The following CNOT4 variants were observed in gnomAD, a reference collection of about 807,000 sequenced individuals.
CNOT4 encodes the protein CCR4-associated factor 4.
CNOT4 carries 8 observed loss-of-function variants against 73.8 expected under a neutral mutation model. The observed-to-expected ratio is 0.11, with a 90% CI of 0.06 to 0.20. The LOEUF (loss-of-function observed/expected upper bound fraction) is 0.20, where lower values mean the gene tolerates loss of function less well. Among genes scored for constraint, CNOT4 ranks in the 10% least tolerant of loss-of-function variants. The probability of loss-of-function intolerance (pLI) is 1.00; values close to 1 mark genes in which losing one functional copy is unlikely to be tolerated. For synonymous variants in CNOT4, 293 were observed against 321.1 expected (o/e 0.91, Z 0.94); for missense variants, 564 against 883.4 (o/e 0.64, Z 4.58).
At chr7:135,504,475 T>TCACCA (rs1254250435) in intron 1 of CNOT4, among the ~76,000 whole-genome samples, 13 of 69,462 alleles carry the variant, frequency 1.9e-4, no homozygotes, top group Admixed American at 2.8e-4. Flanking sequence ...TTTTTTTTTT[T>TCACCA]TTTTTTTTTT....
At chr7:135,384,667 G>A in intron 10 of CNOT4, 1 of 765,226 alleles carries the variant, frequency 1.3e-6, no homozygotes, top group South Asian at 1.3e-5. Context: ...TTATCCTACT[G>A]AATGAGCCTA....
rs374062604 is a variant in CNOT4, at chr7:135,471,197, T to A, written c.-92-32774A>T. The stretch of plus-strand genomic sequence containing the variant: ...AACTCTGGTATACTCAGAACAGTTA[T>A]GCTAAATTACATAGTAAACCTTCAG... On this transcript the variant is annotated intron_variant, in intron 1 of 11. Transcript: ENST00000541284. 2.1e-4 allele frequency among the ~76,000 whole-genome samples: 32 copies of A among 152,106 alleles called. No individual in the cohort carries two copies. In the South Asian group the frequency reaches 4.6e-3, roughly 22 times the overall value.
intron 2 of CNOT4, among the ~76,000 whole-genome samples, chr7:135,431,343 T>C (rs575467471): frequency 6.6e-5 from 10 of 152,314 alleles, no homozygotes; most frequent in Non-Finnish European, 1.2e-4. Context: ...TAATCACCTA[T>C]GTAGAAAATT....
chr7:135,481,052 C>T (rs1300238930), intron 1 of CNOT4, among the ~76,000 whole-genome samples: 1 of 149,238 alleles, frequency 6.7e-6, no homozygotes, highest in East Asian at 1.9e-4. Flanking sequence ...TGGCTAAGAC[C>T]TCAAAAGCTC....
chr7:135,387,330 G>C, intron 10 of CNOT4: 1 of 985,180 alleles, frequency 1.0e-6, no homozygotes, highest in Non-Finnish European at 1.2e-6. Context: ...CCAAATCTAA[G>C]GATATCTAAG....
At chr7:135,504,692 T>A (rs965198525) in intron 1 of CNOT4, among the ~76,000 whole-genome samples, 1 of 120,568 alleles carries the variant, frequency 8.3e-6, no homozygotes, top group Non-Finnish European at 1.7e-5. Flanking sequence ...TTCACCGTTT[T>A]AGCCGGGATG....
At position 135,413,564 on chromosome 7, in the gene CNOT4, T is replaced by C. The variant is rs1423326566; in HGVS notation, c.611A>G (p.Gln204Arg). ...ATACATGCAGTCAGGTTTTGGACAC[T>C]GCATATTCTTTAAGAAGTAACTGCA... ...KYCSYFLKNMQCPKPDCMYLH... is the reference protein window; with the variant it reads ...KYCSYFLKNMRCPKPDCMYLH... Residue 204 changes from glutamine to arginine, a missense_variant, in exon 6 of 12, where the codon CAG becomes CGG. Physicochemically the swap from Gln to Arg is conservative, Grantham distance 43. This residue lies in a region of CNOT4 where 14 missense variants were observed against 69.5 expected (regional missense o/e 0.20). Coordinates refer to ENST00000541284, the MANE Select transcript of CNOT4 (RefSeq NM_001190850.2). 1 of 1,611,706 alleles carries C rather than the reference T, an allele frequency of 6.2e-7. No individual in the cohort carries two copies. Among genetic ancestry groups the C allele is most frequent in the Non-Finnish European group, 8.5e-7 (1 of 1,178,336 alleles).
chr7:135,449,732 C>T (rs1274920275), intron 1 of CNOT4, among the ~76,000 whole-genome samples: 4 of 151,760 alleles, frequency 2.6e-5, no homozygotes, highest in Non-Finnish European at 4.4e-5. Context: ...TATAAAAAGA[C>T]ATTTCAAAGA....
intron 1 of CNOT4, among the ~76,000 whole-genome samples, chr7:135,457,694 T>C (rs867685068): frequency 2.0e-5 from 3 of 152,098 alleles, no homozygotes; most frequent in Non-Finnish European, 4.4e-5. Context: ...AATTTTTCCA[T>C]ACCCAAAGGG....
At position 135,393,920 on chromosome 7, in the gene CNOT4, G is replaced by A; in HGVS notation, c.1625C>T (p.Ala542Val). Residue 542 changes from alanine to valine, a missense_variant and splice_region_variant, in exon 10 of 12, where the codon GCA becomes GTA. By Grantham distance (64) the Ala-to-Val change is moderately conservative (BLOSUM62 0). Transcript: ENST00000541284. ...TCAAAGGTTTTAAATGAACCTACCT[G>A]CTACAGGGATCCCTCCCAGACCTGT... is the stretch of plus-strand genomic sequence containing the variant. Reference protein sequence around the residue: ...HNTGLGGIPVADNSSSVESLN... With the variant: ...HNTGLGGIPVVDNSSSVESLN... 1.2e-6 allele frequency: 2 copies of A among 1,600,078 alleles called. No homozygotes were observed. Among genetic ancestry groups the A allele is most frequent in the Non-Finnish European group, 1.7e-6 (2 of 1,172,218 alleles).
Position 135,362,135 on chromosome 7 carries a change from A to G in CNOT4, c.*750T>C, listed in dbSNP as rs1794678197. 6.6e-6 allele frequency: 1 copy of G among 152,452 alleles called. No individual in the cohort carries two copies. The highest frequency in any genetic ancestry group is 1.5e-5 in the Non-Finnish European group (1 of 68,204). The allele number at this position is 152,452 out of a possible 1,614,324, so 9.4% of individuals were successfully genotyped here. A position where few individuals can be genotyped will look rare whatever the true frequency, so the allele number is the denominator to read the frequency against. On this transcript the variant is annotated 3_prime_UTR_variant, in exon 12 of 12. Coordinates refer to ENST00000541284, the MANE Select transcript of CNOT4 (RefSeq NM_001190850.2). ...ACATTTCAGCTCTTATATTATTAAT[A>G]GGTATTAAATCTGTGAATACTTTTT...
intron 1 of CNOT4, among the ~76,000 whole-genome samples, chr7:135,473,866 A>G (rs1257587763): frequency 4.6e-5 from 7 of 152,186 alleles, no homozygotes; most frequent in African/African-American, 1.7e-4. Flanking sequence ...ACAAAGGAAC[A>G]AACTCCCCCA....
chr7:135,384,582 G>C, intron 10 of CNOT4: 1 of 731,584 alleles, frequency 1.4e-6, no homozygotes, highest in Admixed American at 1.9e-5. Context: ...ACCGCGCCTG[G>C]CCACCCACCT....
chr7:135,491,725 T>A (rs959703635), intron 1 of CNOT4, among the ~76,000 whole-genome samples: 2 of 152,040 alleles, frequency 1.3e-5, no homozygotes, highest in Non-Finnish European at 2.9e-5. Context: ...ATTTTTATGA[T>A]GAAAAAAGTA....
At chr7:135,457,407 C>T (rs1800607848) in intron 1 of CNOT4, among the ~76,000 whole-genome samples, 1 of 152,066 alleles carries the variant, frequency 6.6e-6, no homozygotes, top group African/African-American at 2.4e-5. Flanking sequence ...AACACCAATG[C>T]ATGCTTTTGT....
At chr7:135,496,498 C>A (rs1294599141) in intron 1 of CNOT4, among the ~76,000 whole-genome samples, 1 of 152,172 alleles carries the variant, frequency 6.6e-6, no homozygotes, top group East Asian at 1.9e-4. Flanking sequence ...GACCCTCACA[C>A]CACCAAGCCA....
Position 135,456,762 on chromosome 7 carries a change from C to T in CNOT4, c.-92-18339G>A, listed in dbSNP as rs960947213. ...TTTTTTGTTGTCTCCACCCCATCCC[C>T]GAAAATTTTCCATCCATGGGTAGTT... On this transcript the variant is annotated intron_variant, in intron 1 of 11. Coordinates refer to ENST00000541284, the MANE Select transcript of CNOT4 (RefSeq NM_001190850.2). 6.6e-5 allele frequency among the ~76,000 whole-genome samples: 10 copies of T among 151,894 alleles called. 1 individual carries two copies. The highest frequency in any genetic ancestry group is 6.2e-4 in the South Asian group (3 of 4,806).
In CNOT4 at chr7:135,394,055, C is replaced by T. The variant is rs572508070; in HGVS notation, c.1490G>A (p.Arg497His). The change falls in exon 10 of 12, where the codon CGC becomes CAC. Residue 497 changes from arginine (R) to histidine (H), a missense_variant. By Grantham distance (29) the Arg-to-His change is conservative. Around this residue, in one of 10 missense-constraint regions of CNOT4, gnomAD observed 153 missense variants for 158.7 expected, o/e 0.96. Coordinates refer to ENST00000541284, the MANE Select transcript of CNOT4 (RefSeq NM_001190850.2). Reference sequence around the variant, plus strand: ...GCGTGGAAAGGCCATCCAAGGATAGCGGGCTGCCTGGCCTGGAAAACTGAA... The same window carrying T: ...GCGTGGAAAGGCCATCCAAGGATAGTGGGCTGCCTGGCCTGGAAAACTGAA... Reference protein sequence around the residue: ...NSFSFPGQAARYPWMAFPRNS... With the variant: ...NSFSFPGQAAHYPWMAFPRNS... 6.8e-6 allele frequency: 11 copies of T among 1,614,154 alleles called. No individual in the cohort carries two copies. The highest frequency in any genetic ancestry group is 1.6e-4 in the Middle Eastern group (1 of 6,062).
At chr7:135,374,885 G>A (rs1383632853) in intron 10 of CNOT4, among the ~76,000 whole-genome samples, 12 of 152,158 alleles carry the variant, frequency 7.9e-5, no homozygotes, top group Non-Finnish European at 2.9e-5. Flanking sequence ...AAAAGGTCTA[G>A]TGGTTTTACT....
Sources: allele counts gnomAD v4.1 joint callset (sites outside exome capture counted in the v4.1 genomes callset), GRCh38; gene constraint gnomAD v4.1.1; regional missense constraint gnomAD v4.1.1; transcripts MANE v1.5; gene names NCBI Gene and HGNC (gene_info 2026-07-23, HGNC 2026-07-21).